Variants in NCKAP5 observed in about 807,000 individuals in gnomAD.
NCKAP5 encodes the protein nck-associated protein 5.
A neutral mutation model predicts 167.0 loss-of-function variants in NCKAP5; 92 were observed. The observed-to-expected ratio is 0.55, with a 90% confidence interval of 0.47 to 0.66. NCKAP5 has a LOEUF of 0.66. Among genes scored for constraint, NCKAP5 ranks in the 30% least tolerant of loss-of-function variants. The pLI, the probability that NCKAP5 is intolerant of heterozygous loss-of-function variation, is 0.00. For missense variants in NCKAP5, 2,378 were observed against 2,315.0 expected, an observed-to-expected ratio of 1.03 and a Z score of -0.56; for synonymous variants, 891 against 877.4, an observed-to-expected ratio of 1.02 and a Z score of -0.27.
chr2:133,631,496 T>C, the NCKAP5 span, among the ~76,000 whole-genome samples: 1 of 152,234 alleles, frequency 6.6e-6, no homozygotes, highest in Non-Finnish European at 1.5e-5. Flanking sequence ...TATCCTGGAT[T>C]TAAATGGCCA....
intron 2 of NCKAP5, among the ~76,000 whole-genome samples, chr2:133,521,259 T>A (rs1684449515): frequency 6.6e-6 from 1 of 152,232 alleles, no homozygotes; most frequent in Non-Finnish European, 1.5e-5. Context: ...CTAACTCAAC[T>A]AATTCAGAGA....
chr2:133,615,299 A>G, the NCKAP5 span, among the ~76,000 whole-genome samples: 1 of 151,428 alleles, frequency 6.6e-6, no homozygotes, highest in South Asian at 2.1e-4. Context: ...ACACATAACA[A>G]TATTAACTTT....
chr2:133,042,742 G>A (rs879464850), intron 6 of NCKAP5, among the ~76,000 whole-genome samples: 7 of 152,158 alleles, frequency 4.6e-5, no homozygotes, highest in Admixed American at 1.3e-4. Flanking sequence ...ATTCAGCCAT[G>A]TTTGGACAAC....
intron 3 of NCKAP5, among the ~76,000 whole-genome samples, chr2:133,380,408 T>C (rs867233444): frequency 1.3e-5 from 2 of 152,212 alleles, no homozygotes; most frequent in Non-Finnish European, 2.9e-5. Context: ...TTGAGTGTTT[T>C]AGGAGCTCAA....
At chr2:132,994,457 G>T (rs1322713441) in intron 6 of NCKAP5, among the ~76,000 whole-genome samples, 1 of 152,046 alleles carries the variant, frequency 6.6e-6, no homozygotes, top group Non-Finnish European at 1.5e-5. Context: ...ATTCAGGTCT[G>T]CCTCTTTATA....
At chr2:132,816,552 G>A (rs75272946) in intron 11 of NCKAP5, among the ~76,000 whole-genome samples, 4,012 of 152,186 alleles carry the variant, frequency 0.026, 79 homozygotes, top group Non-Finnish European at 0.039. Flanking sequence ...CTGCTGAGGC[G>A]GAACACTGGC....
At chr2:132,727,092 A>C (rs1442568864) in intron 18 of NCKAP5, among the ~76,000 whole-genome samples, 1 of 152,210 alleles carries the variant, frequency 6.6e-6, no homozygotes, top group Non-Finnish European at 1.5e-5. Context: ...CTGAGTTTCA[A>C]GGATTTCCAG....
Position 133,141,607 on chromosome 2 carries a change from T to C in NCKAP5, c.208-11496A>G, listed in dbSNP as rs2083000700. 1.3e-5 allele frequency among the ~76,000 whole-genome samples: 2 copies of C among 152,208 alleles called. 1 individual carries two copies. Among genetic ancestry groups the C allele is most frequent in the South Asian group, 4.1e-4 (2 of 4,834 alleles). On this transcript the variant is annotated intron_variant, in intron 5 of 19. Transcript: ENST00000409261. ...CAACTGTACAAGGTACTACTGAAGC[T>C]TTTGTTTTAAATCTGCCAGGGAGGA...
At chr2:133,590,636 G>C in the NCKAP5 span, among the ~76,000 whole-genome samples, 1 of 151,496 alleles carries the variant, frequency 6.6e-6, no homozygotes, top group African/African-American at 2.4e-5. Context: ...AAGAAAAGTA[G>C]AAATTCCCAA....
intron 6 of NCKAP5, among the ~76,000 whole-genome samples, chr2:133,108,276 A>T (rs186975451): frequency 6.6e-6 from 1 of 152,184 alleles, no homozygotes; most frequent in Non-Finnish European, 1.5e-5. Context: ...ACGGATAAGC[A>T]CTGAATAAGA....
chr2:132,914,208 T>C (rs541887634), intron 8 of NCKAP5, among the ~76,000 whole-genome samples: 2 of 152,278 alleles, frequency 1.3e-5, no homozygotes, highest in East Asian at 3.9e-4. Context: ...GGAGGCTAAA[T>C]CATATTTGTG....
chr2:133,041,717 C>A (rs1283879062), intron 6 of NCKAP5, among the ~76,000 whole-genome samples: 1 of 152,052 alleles, frequency 6.6e-6, no homozygotes, highest in African/African-American at 2.4e-5. Context: ...AGGAAAGAAT[C>A]ATCTTGATTA....
At chr2:133,153,434 A>G (rs2083451771) in intron 5 of NCKAP5, among the ~76,000 whole-genome samples, 1 of 152,150 alleles carries the variant, frequency 6.6e-6, no homozygotes, top group African/African-American at 2.4e-5. Context: ...CTTTCTGCTT[A>G]ATTTTTCTGT....
chr2:133,297,191 GT>G (rs1680023310), intron 4 of NCKAP5, among the ~76,000 whole-genome samples: 1 of 151,498 alleles, frequency 6.6e-6, no homozygotes, highest in African/African-American at 2.4e-5. Context: ...GTGTGTGTGT[GT>G]GTGTGTGTGT....
intron 4 of NCKAP5, among the ~76,000 whole-genome samples, chr2:133,246,999 T>G (rs2088033733): frequency 6.6e-6 from 1 of 152,232 alleles, no homozygotes; most frequent in African/African-American, 2.4e-5. Flanking sequence ...AATTTAACCA[T>G]TTCCTAAATC....
At chr2:133,321,976 A>G (rs1336778541) in intron 3 of NCKAP5, among the ~76,000 whole-genome samples, 1 of 152,234 alleles carries the variant, frequency 6.6e-6, no homozygotes, top group Non-Finnish European at 1.5e-5. Context: ...AAAACTTAAT[A>G]GTCATGCAAC....
At chr2:133,584,055 G>A in the NCKAP5 span, among the ~76,000 whole-genome samples, 1 of 152,142 alleles carries the variant, frequency 6.6e-6, no homozygotes, top group African/African-American at 2.4e-5. Flanking sequence ...CACCCAGCCT[G>A]TGTGGGTAAA....
At chr2:133,043,900 C>T (rs976979481) in intron 6 of NCKAP5, among the ~76,000 whole-genome samples, 1 of 149,328 alleles carries the variant, frequency 6.7e-6, no homozygotes, top group African/African-American at 2.5e-5. Context: ...AAAAGATAGA[C>T]TGATTCAGTG....
At chr2:133,383,748 C>A (rs530135287) in intron 3 of NCKAP5, among the ~76,000 whole-genome samples, 2 of 152,180 alleles carry the variant, frequency 1.3e-5, no homozygotes, top group African/African-American at 4.8e-5. Flanking sequence ...CTTTTTAATG[C>A]TTGTCATTCT....
Sources: allele counts gnomAD v4.1 joint callset (sites outside exome capture counted in the v4.1 genomes callset), GRCh38; gene constraint gnomAD v4.1.1; transcripts MANE v1.5; gene names NCBI Gene and HGNC (gene_info 2026-07-23, HGNC 2026-07-21).